PLXNB1: variants seen among roughly 807,000 people sequenced by gnomAD.
PLXNB1 encodes the protein plexin B1.
A neutral mutation model predicts 209.4 loss-of-function variants in PLXNB1; 106 were observed. The ratio of observed to expected loss-of-function variants is 0.51; its 90% CI spans 0.43 to 0.59. The LOEUF (loss-of-function observed/expected upper bound fraction) is 0.59, where lower values mean the gene tolerates loss of function less well. Among genes scored for constraint, PLXNB1 ranks in the 20% least tolerant of loss-of-function variants. The pLI, the probability that PLXNB1 is intolerant of heterozygous loss-of-function variation, is 0.00. For missense variants in PLXNB1, 2,357 were observed against 2,853.2 expected, an observed-to-expected ratio of 0.83 and a Z score of 3.96; for synonymous variants, 1,167 against 1,183.2, an observed-to-expected ratio of 0.99 and a Z score of 0.28.
chr3:48,421,127 G>A, intron 8 of PLXNB1, 101 bp downstream of exon 8: 1 of 1,419,420 alleles, frequency 7.0e-7, no homozygotes. Context: ...CCAGAGAAAG[G>A]CATCCATTCA....
chr3:48,405,016 C>A lies in PLXNB1; in HGVS notation c.6304-426G>T, dbSNP rs1003141704. On this transcript the variant is annotated intron_variant, in intron 37 of 37. Transcript: ENST00000296440. The surrounding 1 kb of genome is among the most constrained non-coding windows in gnomAD (Gnocchi z 5.0). ...AATTTGGGGCTGCCACCAAGGGAACCGGTAGGAACCGGAGGGCAGCAGCAC... is the reference window on the plus strand; with the variant it reads ...AATTTGGGGCTGCCACCAAGGGAACAGGTAGGAACCGGAGGGCAGCAGCAC... Among the ~76,000 whole-genome samples the A allele has an allele frequency of 7.2e-5, 11 of 152,192 alleles. No individual in the cohort carries two copies. The East Asian group carries it at 2.1e-3, about 29-fold the overall frequency.
In PLXNB1 at chr3:48,410,276, G is replaced by A. The variant is rs78184902; in HGVS notation, c.5605+20C>T. On this transcript the variant is annotated intron_variant, in intron 31 of 37. Transcript: ENST00000296440. This position sits in a 1 kb window ranked among gnomAD's most constrained non-coding sequence, Gnocchi z 6.4. ...CTGGGCACAGCAGGGGCAGAGGACCGTGATGGGAGCGGTACTCACGCTCTC... is the reference window on the plus strand; with the variant it reads ...CTGGGCACAGCAGGGGCAGAGGACCATGATGGGAGCGGTACTCACGCTCTC... 784 of 1,578,242 alleles carry A rather than the reference G, an allele frequency of 5.0e-4. 4 individuals are homozygous for A. In the African/African-American group the frequency reaches 9.0e-3, roughly 18 times the overall value.
rs764541642 is a variant in PLXNB1 at position 48,418,901 on chromosome 3, C to G, written c.2955+16G>C. On this transcript the variant is annotated intron_variant, in intron 13 of 37. Coordinates refer to ENST00000296440, the MANE Select transcript of PLXNB1 (RefSeq NM_001130082.3). This position sits in a 1 kb window ranked among gnomAD's most constrained non-coding sequence, Gnocchi z 6.6. The stretch of plus-strand genomic sequence containing the variant: ...TGCAGTGCACCCGTGCCCACCCAGG[C>G]GCTCATGGTGTGCACCTGGTGCTGC... 1 of 1,613,460 alleles carries G rather than the reference C, an allele frequency of 6.2e-7. No homozygotes were observed. The highest frequency in any genetic ancestry group is 2.2e-5 in the East Asian group (1 of 44,876).
chr3:48,418,393 C>G lies in PLXNB1; in HGVS notation c.3050-30G>C. 6.2e-7 allele frequency: 1 copy of G among 1,613,470 alleles called. No homozygotes were observed. The highest frequency in any genetic ancestry group is 8.5e-7 in the Non-Finnish European group (1 of 1,179,966). ...GGGTGGCAGAGACACACGTGAGAGG[C>G]AGGCCTGGGAGAGCCCTGCTACCAC... On this transcript the variant is annotated intron_variant, in intron 14 of 37. Transcript: ENST00000296440. The surrounding 1 kb of genome is among the most constrained non-coding windows in gnomAD (Gnocchi z 6.6).
rs763970793 is a variant in PLXNB1, at chr3:48,405,596, C to T, written c.6303+128G>A. ...AAACACTTCTCAAGCCACCAAGGGG[C>T]CCGGCCCCCCACTACTCTGTCCCTG... On this transcript the variant is annotated intron_variant, in intron 37 of 37. Coordinates refer to ENST00000296440, the MANE Select transcript of PLXNB1 (RefSeq NM_001130082.3). This position sits in a 1 kb window ranked among gnomAD's most constrained non-coding sequence, Gnocchi z 5.0. The T allele has an allele frequency of 4.3e-6, 3 of 696,830 alleles. No homozygotes were observed. The highest frequency in any genetic ancestry group is 5.2e-5 in the Admixed American group (2 of 38,454). 43.2% of individuals were successfully genotyped at this position (696,830 alleles called of 1,614,324 possible). A position where few individuals can be genotyped will look rare whatever the true frequency, so the allele number is the denominator to read the frequency against.
At position 48,409,707 on chromosome 3, in the gene PLXNB1, C is replaced by A; in HGVS notation, c.5803G>T (p.Asp1935Tyr). 1 of 1,613,764 alleles carries A rather than the reference C, an allele frequency of 6.2e-7. No homozygotes were observed. The highest frequency in any genetic ancestry group is 1.1e-5 in the South Asian group (1 of 91,060). Residue 1935 changes from aspartate to tyrosine, a missense_variant, in exon 33 of 38, where the codon GAC (aspartate) becomes TAC (tyrosine). Transcript: ENST00000296440. The surrounding 1 kb of genome is among the most constrained non-coding windows in gnomAD (Gnocchi z 5.8). ...GTGCTGAGAATCACCTGGAACAGGT[C>A]ATCCACGAACTTCTGCAGGGTGCCC... is the stretch of plus-strand genomic sequence containing the variant. Reference protein sequence around the residue: ...MKGTLQKFVDDLFQVILSTSR... With the variant: ...MKGTLQKFVDYLFQVILSTSR...
chr3:48,416,301 G>C lies in PLXNB1; in HGVS notation c.3480+45C>G. The C allele has an allele frequency of 6.4e-7, 1 of 1,564,180 alleles. No individual in the cohort carries two copies. The highest frequency in any genetic ancestry group is 1.3e-5 in the African/African-American group (1 of 74,152). ...AGATGGGTTGAGAGGAGCCACCAGA[G>C]AGGTTGGCCCGCTGGCAGCTGGGGG... On this transcript the variant is annotated intron_variant, in intron 17 of 37. Coordinates refer to ENST00000296440, the MANE Select transcript of PLXNB1 (RefSeq NM_001130082.3). The surrounding 1 kb of genome is among the most constrained non-coding windows in gnomAD (Gnocchi z 4.1).
rs768043034 is a variant in PLXNB1 at position 48,424,032 on chromosome 3, G to A, written c.580C>T (p.Pro194Ser). The stretch of plus-strand genomic sequence containing the variant: ...TCCTCATAGGAGAAGGCAGCTTGGG[G>A]GTCGGGCGGCCACAGGGCCCGGGTT... ...ITTRALWPPDPQAAFSYEETA... is the reference protein window; with the variant it reads ...ITTRALWPPDSQAAFSYEETA... Residue 194 changes from proline (P) to serine (S), a missense_variant, in exon 3 of 38, where the codon CCC becomes TCC. Physicochemically the swap from Pro to Ser is moderately conservative, Grantham distance 74. Transcript: ENST00000296440. The A allele has an allele frequency of 1.9e-6, 3 of 1,604,794 alleles. No homozygotes were observed. The African/African-American group carries it at 4.0e-5, about 21-fold the overall frequency.
chr3:48,419,613 G>A lies in PLXNB1; in HGVS notation c.2673C>T (p.Leu891=), dbSNP rs751151140. 5.0e-6 allele frequency: 8 copies of A among 1,611,896 alleles called. No individual in the cohort carries two copies. The highest frequency in any genetic ancestry group is 1.7e-5 in the Admixed American group (1 of 59,996). Residue 891 remains leucine (L), a synonymous_variant, in exon 11 of 38, where the codon CTC becomes CTT. Coordinates refer to ENST00000296440, the MANE Select transcript of PLXNB1 (RefSeq NM_001130082.3). This position sits in a 1 kb window ranked among gnomAD's most constrained non-coding sequence, Gnocchi z 5.7. ...GCCCGGGGGTGTCATACTGGTAGTCGAGGCTGGACGGGAGGATGAGGGGGG... is the reference window on the plus strand; with the variant it reads ...GCCCGGGGGTGTCATACTGGTAGTCAAGGCTGGACGGGAGGATGAGGGGGG... The part of the protein sequence containing the change: ...PPAPLILPSS[L]DYQYDTPGLW...
Position 48,414,925 on chromosome 3 carries a change from G to T in PLXNB1, c.4083C>A (p.Val1361=). 6.2e-7 allele frequency: 1 copy of T among 1,614,024 alleles called. No homozygotes were observed. Among genetic ancestry groups the T allele is most frequent in the African/African-American group, 1.3e-5 (1 of 75,070 alleles). The change falls in exon 21 of 38, where the codon GTC becomes GTA. Residue 1361 remains valine, a synonymous_variant. Transcript: ENST00000296440. ...TGGGGTTCAGTGTTGCAAAGTCAAA[G>T]ACCAGGTTGTCAAGGATAAATTCCA... is the stretch of plus-strand genomic sequence containing the variant. The part of the protein sequence containing the change: ...VRVEFILDNL[V]FDFATLNPTP...
At position 48,418,143 on chromosome 3, in the gene PLXNB1, C is replaced by T. The variant is rs1339886680; in HGVS notation, c.3222+48G>A. 6.2e-7 allele frequency: 1 copy of T among 1,609,212 alleles called. No individual in the cohort carries two copies. Among genetic ancestry groups the T allele is most frequent in the South Asian group, 1.1e-5 (1 of 90,764 alleles). On this transcript the variant is annotated intron_variant, in intron 15 of 37. Transcript: ENST00000296440. The surrounding 1 kb of genome is among the most constrained non-coding windows in gnomAD (Gnocchi z 6.6). Reference sequence around the variant, plus strand: ...TCCCACCTTTGGGCCCCCACACCCTCCCTCTAAGGGCAGCACTGAGGAAGG... The same window carrying T: ...TCCCACCTTTGGGCCCCCACACCCTTCCTCTAAGGGCAGCACTGAGGAAGG...
chr3:48,412,163 G>A lies in PLXNB1; in HGVS notation c.5100+75C>T. 6 of 1,526,084 alleles carry A rather than the reference G, an allele frequency of 3.9e-6. No individual in the cohort carries two copies. The South Asian group carries it at 4.5e-5, about 11-fold the overall frequency. The allele number at this position is 1,526,084 out of a possible 1,614,324, so 94.5% of individuals were successfully genotyped here. On this transcript the variant is annotated intron_variant, in intron 27 of 37. Coordinates refer to ENST00000296440, the MANE Select transcript of PLXNB1 (RefSeq NM_001130082.3). The stretch of plus-strand genomic sequence containing the variant: ...TCTGGCACAAGTGTCCGAGCTGCAT[G>A]GTGGCTGAGGGCTTAGAAGTTTGGA...
At chr3:48,423,043 G>A (rs1233871196) in intron 3 of PLXNB1, 96 bp from the exon 4 acceptor site, 1 of 1,067,058 alleles carries the variant, frequency 9.4e-7, no homozygotes, top group Non-Finnish European at 1.4e-6. Context: ...CAGCCGCTCT[G>A]GTAGCTCTCC....
rs2038279982 is a variant in PLXNB1, at chr3:48,418,788, T to C, written c.2955+129A>G. 2.5e-6 allele frequency: 3 copies of C among 1,213,194 alleles called. No homozygotes were observed. Among genetic ancestry groups the C allele is most frequent in the Non-Finnish European group, 1.2e-6 (1 of 843,268 alleles). The allele number at this position is 1,213,194 out of a possible 1,614,324, so 75.2% of individuals were successfully genotyped here. On this transcript the variant is annotated intron_variant, in intron 13 of 37. Transcript: ENST00000296440. The surrounding 1 kb of genome is among the most constrained non-coding windows in gnomAD (Gnocchi z 6.6). ...CATGGTCAGAGGTCAGAAATGGGTG[T>C]GGAGACTCCCTCAGGGCGACACGGT...
chr3:48,407,099 T>C lies in PLXNB1; in HGVS notation c.6088-8A>G, dbSNP rs1426796068. 2 of 1,612,788 alleles carry C rather than the reference T, an allele frequency of 1.2e-6. No homozygotes were observed. The highest frequency in any genetic ancestry group is 1.7e-6 in the Non-Finnish European group (2 of 1,178,982). ...TTTGTTGATCGGGGAGTCCTGGACA[T>C]AGCAGGAGGACAGCAAAAGAGGAAG... On this transcript the variant is annotated splice_polypyrimidine_tract_variant and splice_region_variant and intron_variant, in intron 34 of 37. Coordinates refer to ENST00000296440, the MANE Select transcript of PLXNB1 (RefSeq NM_001130082.3).
chr3:48,409,485 G>A lies in PLXNB1; in HGVS notation c.5940-9C>T, dbSNP rs764678039. ...AGAACCTCAGAGGCAAGCTGCGGGT[G>A]GGGCAGGCATGGCCGATGAATGTGC... On this transcript the variant is annotated splice_polypyrimidine_tract_variant and intron_variant, in intron 33 of 37. Coordinates refer to ENST00000296440, the MANE Select transcript of PLXNB1 (RefSeq NM_001130082.3). This position sits in a 1 kb window ranked among gnomAD's most constrained non-coding sequence, Gnocchi z 5.8. The A allele has an allele frequency of 1.9e-6, 3 of 1,614,100 alleles. No homozygotes were observed. The East Asian group carries it at 6.7e-5, about 36-fold the overall frequency.
chr3:48,416,675 C>A lies in PLXNB1; in HGVS notation c.3375-224G>T. On this transcript the variant is annotated intron_variant, in intron 16 of 37. Transcript: ENST00000296440. The surrounding 1 kb of genome is among the most constrained non-coding windows in gnomAD (Gnocchi z 4.1). ...TGTGGCTTCAATCATTTAAGTTCAA[C>A]CCCAGGGGCCCCCAATAAGGAAGAA... 2.5e-6 allele frequency: 1 copy of A among 394,578 alleles called. No homozygotes were observed. The highest frequency in any genetic ancestry group is 4.5e-6 in the Non-Finnish European group (1 of 223,264). The allele number at this position is 394,578 out of a possible 1,614,324, so 24.4% of individuals were successfully genotyped here.
chr3:48,429,787 T>C lies in PLXNB1; in HGVS notation c.-60+221A>G, dbSNP rs1238129362. 6.6e-6 allele frequency among the ~76,000 whole-genome samples: 1 copy of C among 151,944 alleles called. No homozygotes were observed. Among genetic ancestry groups the C allele is most frequent in the Non-Finnish European group, 1.5e-5 (1 of 67,942 alleles). On this transcript the variant is annotated intron_variant, in intron 1 of 37. Coordinates refer to ENST00000296440, the MANE Select transcript of PLXNB1 (RefSeq NM_001130082.3). This position sits in a 1 kb window ranked among gnomAD's most constrained non-coding sequence, Gnocchi z 6.4. ...TCCTTGGAACCGGAACTGGGAACTT[T>C]CCTGGTTGCCAGGAGCCGAGGCGGG...
At chr3:48,414,151 AGACCCAGCCGCAG>A in intron 21 of PLXNB1, 80 bp from the exon 22 acceptor site, 3 of 1,404,728 alleles carry the variant, frequency 2.1e-6, no homozygotes, top group Non-Finnish European at 3.0e-6. Flanking sequence ...AAGGACCCTG[AGACCCAGCCGCAG>A]CAGCAAAGCT....
Sources: allele counts gnomAD v4.1 joint callset (sites outside exome capture counted in the v4.1 genomes callset), GRCh38; gene constraint gnomAD v4.1.1; non-coding constraint Gnocchi (gnomAD v3.1); transcripts MANE v1.5; gene names NCBI Gene and HGNC (gene_info 2026-07-23, HGNC 2026-07-21).